The following RAB38 variants were observed in gnomAD, a reference collection of about 807,000 sequenced individuals.
RAB38 encodes the protein RAB38, member RAS oncogene family.
A neutral mutation model predicts 18.4 loss-of-function variants in RAB38; 15 were observed. That is an observed-to-expected ratio of 0.82 (90% CI 0.55 to 1.26). The LOEUF (loss-of-function observed/expected upper bound fraction) is 1.26. Ranked by LOEUF, RAB38 falls within the 50% of genes most tolerant of loss-of-function variation. RAB38 has a pLI of 0.00. For synonymous variants in RAB38, 101 were observed against 104.4 expected (o/e 0.97, Z 0.20); for missense variants, 294 against 267.4 (o/e 1.10, Z -0.69).
chr11:87,940,632 C>CAG, the RAB38 span, among the ~76,000 whole-genome samples: 1 of 150,982 alleles, frequency 6.6e-6, no homozygotes, highest in Non-Finnish European at 1.5e-5. Context: ...ATATATATGA[C>CAG]AGAGAGAGAG....
chr11:87,905,132 T>A, the RAB38 span, among the ~76,000 whole-genome samples: 3 of 151,704 alleles, frequency 2.0e-5, no homozygotes, highest in Non-Finnish European at 4.4e-5. Context: ...TACTGATGCT[T>A]TTCTGTAGTT....
the RAB38 span, among the ~76,000 whole-genome samples, chr11:87,976,868 A>G: frequency 1.5e-5 from 1 of 67,818 alleles, no homozygotes; most frequent in East Asian, 3.3e-4. Flanking sequence ...ATTATATATT[A>G]TATGTTATAT....
intron 1 of RAB38, among the ~76,000 whole-genome samples, chr11:88,164,800 C>T (rs960594484): frequency 6.6e-6 from 1 of 151,846 alleles, no homozygotes; most frequent in African/African-American, 2.4e-5. Flanking sequence ...GCGCTGTAGC[C>T]TCTAGAGTCT....
At chr11:87,821,299 G>A in the RAB38 span, among the ~76,000 whole-genome samples, 2 of 152,168 alleles carry the variant, frequency 1.3e-5, no homozygotes, top group Admixed American at 1.3e-4. Context: ...ACAGATGCTA[G>A]AATAATATGT....
the RAB38 span, among the ~76,000 whole-genome samples, chr11:87,964,724 T>A: frequency 6.6e-6 from 1 of 151,868 alleles, no homozygotes; most frequent in East Asian, 1.9e-4. Context: ...GAAAAAAAAA[T>A]TAAAAAAAAT....
At chr11:87,889,318 C>T in the RAB38 span, among the ~76,000 whole-genome samples, 484 of 151,988 alleles carry the variant, frequency 3.2e-3, 5 homozygotes, top group African/African-American at 0.011. Context: ...CACACATGAC[C>T]TCCCAAATCC....
At chr11:87,976,743 T>C in the RAB38 span, among the ~76,000 whole-genome samples, 25 of 116,538 alleles carry the variant, frequency 2.1e-4, no homozygotes, top group African/African-American at 9.1e-4. Context: ...AATATATATT[T>C]ATATATTTAT....
chr11:88,099,521 A>G, the RAB38 span, among the ~76,000 whole-genome samples: 1 of 151,954 alleles, frequency 6.6e-6, no homozygotes, highest in African/African-American at 2.4e-5. Flanking sequence ...ATTGTTATCA[A>G]TTAGAATCTC....
chr11:87,968,298 C>T, the RAB38 span, among the ~76,000 whole-genome samples: 2 of 152,124 alleles, frequency 1.3e-5, no homozygotes, highest in South Asian at 4.1e-4. Flanking sequence ...TAATTGTCCT[C>T]CATATCCATT....
At chr11:88,110,776 T>C (rs142652034), downstream of RAB38, among the ~76,000 whole-genome samples, 1,631 of 148,246 alleles carry the variant, frequency 0.011, 55 homozygotes, top group Admixed American at 0.065. Flanking sequence ...ATCGCACCAC[T>C]GCACTTCAGC....
At position 88,113,309 on chromosome 11, in the gene RAB38, T is replaced by C. The variant is rs542886402; in HGVS notation, c.*679A>G. The C allele has an allele frequency of 6.6e-6, 1 of 152,602 alleles. No homozygotes were observed. The highest frequency in any genetic ancestry group is 2.1e-4 in the South Asian group (1 of 4,828). The allele number at this position is 152,602 out of a possible 1,614,324, so 9.5% of individuals were successfully genotyped here. A position where few individuals can be genotyped will look rare whatever the true frequency, so the allele number is the denominator to read the frequency against. ...CACTTGCAAAAATATATATAATATA[T>C]ATTACATGTATAGCATGTATAGAGG... On this transcript the variant is annotated 3_prime_UTR_variant, in exon 3 of 3. Coordinates refer to ENST00000243662, the MANE Select transcript of RAB38 (RefSeq NM_022337.3).
the RAB38 span, among the ~76,000 whole-genome samples, chr11:88,044,569 A>G: frequency 2.6e-5 from 4 of 152,192 alleles, no homozygotes; most frequent in South Asian, 2.1e-4. Context: ...AATAGCCAGA[A>G]AATGCCACTT....
the RAB38 span, among the ~76,000 whole-genome samples, chr11:87,972,862 G>C: frequency 6.6e-6 from 1 of 151,978 alleles, no homozygotes; most frequent in Non-Finnish European, 1.5e-5. Flanking sequence ...TGGAGGATGG[G>C]CCTGGTAAGC....
intron 1 of RAB38, among the ~76,000 whole-genome samples, chr11:88,163,862 G>A (rs1178910903): frequency 6.6e-6 from 1 of 152,010 alleles, no homozygotes; most frequent in Non-Finnish European, 1.5e-5. Context: ...ATTTTAGACT[G>A]GAGCCCAATG....
the RAB38 span, among the ~76,000 whole-genome samples, chr11:87,869,961 CTAATT>C: frequency 8.4e-4 from 128 of 151,584 alleles, no homozygotes; most frequent in Middle Eastern, 3.2e-3. Flanking sequence ...TATAATGTGT[CTAATT>C]TATAAAACCC....
At chr11:87,942,022 G>T in the RAB38 span, among the ~76,000 whole-genome samples, 13 of 152,118 alleles carry the variant, frequency 8.5e-5, no homozygotes, top group Admixed American at 7.9e-4. Context: ...TCTTGCCTGT[G>T]GCCTGTAACT....
chr11:88,097,732 C>T, the RAB38 span, among the ~76,000 whole-genome samples: 12 of 151,776 alleles, frequency 7.9e-5, no homozygotes, highest in African/African-American at 2.9e-4. Flanking sequence ...TATGAAATTC[C>T]TACACAAGTA....
At chr11:87,833,459 T>A in the RAB38 span, among the ~76,000 whole-genome samples, 1 of 152,188 alleles carries the variant, frequency 6.6e-6, no homozygotes, top group African/African-American at 2.4e-5. Flanking sequence ...AATCTTTCTG[T>A]TGACATCTCA....
the RAB38 span, among the ~76,000 whole-genome samples, chr11:88,069,562 T>C: frequency 6.6e-6 from 1 of 152,242 alleles, no homozygotes; most frequent in Non-Finnish European, 1.5e-5. Context: ...GGATCGTATA[T>C]GCACCAATCA....
Sources: allele counts gnomAD v4.1 joint callset (sites outside exome capture counted in the v4.1 genomes callset), GRCh38; gene constraint gnomAD v4.1.1; transcripts MANE v1.5; gene names NCBI Gene and HGNC (gene_info 2026-07-23, HGNC 2026-07-21).